LPIN2: variants seen among roughly 807,000 people sequenced by gnomAD.
LPIN2 encodes the protein lipin 2, also known as phosphatidate phosphatase LPIN2.
LPIN2 carries 55 observed loss-of-function variants against 111.4 expected under a neutral mutation model. The observed-to-expected ratio is 0.49, with a 90% CI of 0.40 to 0.62. The LOEUF is 0.62. LPIN2 is among the 20% of genes least tolerant of loss of function. The probability of loss-of-function intolerance (pLI) is 0.00; values close to 1 mark genes in which losing one functional copy is unlikely to be tolerated. For missense variants in LPIN2, 992 were observed against 1,112.1 expected (o/e 0.89, Z 1.54); for synonymous variants, 425 against 414.0 (o/e 1.03, Z -0.32).
At chr18:2,924,652 GATGGTTTCCGGGGTCTTA>G (rs1356713364) in intron 14 of LPIN2, 106 bp from the exon 15 acceptor site, 12 of 1,223,250 alleles carry the variant, frequency 9.8e-6, no homozygotes, top group Middle Eastern at 4.9e-4. Flanking sequence ...CAAGAGGCAG[GATGGTTTCCGGGGTCTTA>G]GACACAGCCC....
Position 2,945,768 on chromosome 18 carries a change from G to A in LPIN2, c.591-5056C>T. 4.1e-6 allele frequency: 5 copies of A among 1,226,344 alleles called. 1 individual carries two copies. In the South Asian group the frequency reaches 4.8e-5, roughly 12 times the overall value. 76.0% of individuals were successfully genotyped at this position (1,226,344 alleles called of 1,614,324 possible). Reference sequence around the variant, plus strand: ...ATGCGCATCTAACAATGTGCTATTTGCTTCTACTCGACTAAGTTCTGGAAG... The same window carrying A: ...ATGCGCATCTAACAATGTGCTATTTACTTCTACTCGACTAAGTTCTGGAAG... On this transcript the variant is annotated intron_variant, in intron 4 of 19. Coordinates refer to ENST00000677752, the MANE Select transcript of LPIN2 (RefSeq NM_001375808.2).
intron 1 of LPIN2, among the ~76,000 whole-genome samples, chr18:2,996,112 G>A (rs682989): frequency 0.91 from 139,102 of 152,138 alleles, 64,412 homozygotes; most frequent in East Asian, 1. Flanking sequence ...AGGCCGAGGC[G>A]GGCGGATCAT....
At chr18:2,987,864 C>T (rs2078208901) in intron 1 of LPIN2, among the ~76,000 whole-genome samples, 1 of 151,840 alleles carries the variant, frequency 6.6e-6, no homozygotes, top group African/African-American at 2.4e-5. Flanking sequence ...CACAGTGAAA[C>T]CTCATCTCTA....
chr18:2,919,784 G>A lies in LPIN2; in HGVS notation c.*509C>T. 4.8e-6 allele frequency: 1 copy of A among 208,046 alleles called. No homozygotes were observed. The highest frequency in any genetic ancestry group is 8.2e-5 in the South Asian group (1 of 12,252). 12.9% of individuals were successfully genotyped at this position (208,046 alleles called of 1,614,324 possible). A position where few individuals can be genotyped will look rare whatever the true frequency, so the allele number is the denominator to read the frequency against. ...CACTGGAGCAGCTGACCCCTTCAGT[G>A]TAGCAGGAAATGAGGCGACCAGAGA... On this transcript the variant is annotated 3_prime_UTR_variant, in exon 20 of 20. Transcript: ENST00000677752.
chr18:2,995,559 A>G (rs1348426608), intron 1 of LPIN2, among the ~76,000 whole-genome samples: 1 of 152,230 alleles, frequency 6.6e-6, no homozygotes, highest in Non-Finnish European at 1.5e-5. Flanking sequence ...ACATGACATG[A>G]GGGCTCCCCT....
At chr18:2,926,215 T>TAA (rs1287331687) in intron 13 of LPIN2, among the ~76,000 whole-genome samples, 1 of 152,136 alleles carries the variant, frequency 6.6e-6, no homozygotes, top group Non-Finnish European at 1.5e-5. Flanking sequence ...CCCTCAGCCT[T>TAA]AGACACTAAA....
intron 11 of LPIN2, among the ~76,000 whole-genome samples, chr18:2,928,220 G>A (rs1004925959): frequency 1.3e-5 from 2 of 152,198 alleles, no homozygotes; most frequent in Non-Finnish European, 2.9e-5. Flanking sequence ...CCACACTGAT[G>A]TCAAGCTTCT....
At chr18:2,973,184 G>T (rs2077950513) in intron 1 of LPIN2, among the ~76,000 whole-genome samples, 1 of 151,816 alleles carries the variant, frequency 6.6e-6, no homozygotes, top group Admixed American at 6.6e-5. Flanking sequence ...ATTCAAAATA[G>T]ATTTTTCTTA....
chr18:3,008,062 A>C (rs994075961), intron 1 of LPIN2, among the ~76,000 whole-genome samples: 5 of 152,208 alleles, frequency 3.3e-5, no homozygotes, highest in African/African-American at 1.2e-4. Context: ...TTCTAGGCAA[A>C]CTGCAATCCC....
At position 2,919,949 on chromosome 18, in the gene LPIN2, G is replaced by C; in HGVS notation, c.*344C>G. ...AAACTGGAACACTTCACTGTGTGCAGTGTTTTGGTCCACTCTTTTTTAGCT... is the reference window on the plus strand; with the variant it reads ...AAACTGGAACACTTCACTGTGTGCACTGTTTTGGTCCACTCTTTTTTAGCT... On this transcript the variant is annotated 3_prime_UTR_variant, in exon 20 of 20. Transcript: ENST00000677752. 2.6e-6 allele frequency: 1 copy of C among 382,816 alleles called. No individual in the cohort carries two copies. The highest frequency in any genetic ancestry group is 2.2e-5 in the South Asian group (1 of 45,098). 23.7% of individuals were successfully genotyped at this position (382,816 alleles called of 1,614,324 possible). A position where few individuals can be genotyped will look rare whatever the true frequency, so the allele number is the denominator to read the frequency against.
At chr18:2,986,759 C>G (rs1434442209) in intron 1 of LPIN2, among the ~76,000 whole-genome samples, 1 of 152,130 alleles carries the variant, frequency 6.6e-6, no homozygotes, top group Non-Finnish European at 1.5e-5. Context: ...ACAAGAGAGA[C>G]AATACTGAGA....
chr18:2,949,328 G>T (rs974094190), intron 4 of LPIN2, among the ~76,000 whole-genome samples: 2 of 152,126 alleles, frequency 1.3e-5, no homozygotes, highest in African/African-American at 4.8e-5. Flanking sequence ...CATTTATGAT[G>T]AAACTCTTCT....
Position 2,981,586 on chromosome 18 carries a change from T to A in LPIN2, c.-9-20737A>T, listed in dbSNP as rs536221298. ...AAAAAGTCAGCAAGGTTCTCTATTC[T>A]CCCTTCTGACCTTTACAACAAATGT... On this transcript the variant is annotated intron_variant, in intron 1 of 19. Coordinates refer to ENST00000677752, the MANE Select transcript of LPIN2 (RefSeq NM_001375808.2). Among the ~76,000 whole-genome samples the A allele has an allele frequency of 2.0e-5, 3 of 152,326 alleles. No homozygotes were observed. In the South Asian group the frequency reaches 6.2e-4, roughly 32 times the overall value.
At chr18:2,961,095 C>CT (rs981173328) in intron 1 of LPIN2, among the ~76,000 whole-genome samples, 2 of 152,110 alleles carry the variant, frequency 1.3e-5, no homozygotes, top group African/African-American at 2.4e-5. Context: ...GAGGCATTCC[C>CT]TTTCCTTTCT....
rs764392766 is a variant in LPIN2, at chr18:2,928,574, A to G, written c.1620+17T>C. On this transcript the variant is annotated intron_variant, in intron 11 of 19. Transcript: ENST00000677752. ...GCGGATGCTTTCGGAAAGGCAGCAG[A>G]TGGTGGATCGCCTCACCTTAGGCAA... is the stretch of plus-strand genomic sequence containing the variant. 1.2e-6 allele frequency: 2 copies of G among 1,613,902 alleles called. No homozygotes were observed. Among genetic ancestry groups the G allele is most frequent in the East Asian group, 2.2e-5 (1 of 44,886 alleles).
intron 3 of LPIN2, among the ~76,000 whole-genome samples, chr18:2,952,382 C>A (rs1484109775): frequency 6.6e-6 from 1 of 152,154 alleles, no homozygotes; most frequent in Non-Finnish European, 1.5e-5. Flanking sequence ...CGAGATCATG[C>A]CACTGCACTC....
chr18:2,965,719 G>A (rs188415712), intron 1 of LPIN2, among the ~76,000 whole-genome samples: 275 of 95,392 alleles, frequency 2.9e-3, no homozygotes, highest in Admixed American at 0.013. Context: ...GACAGAGTGA[G>A]ACTCCCAATC....
intron 17 of LPIN2, 31 bp downstream of exon 17, chr18:2,922,016 G>C: frequency 6.2e-7 from 1 of 1,603,104 alleles, no homozygotes; most frequent in Non-Finnish European, 8.5e-7. Flanking sequence ...TGCTGGGGCG[G>C]TGGGCAGAGG....
At chr18:2,955,404 TGCCAC>T (rs2077594922) in intron 2 of LPIN2, among the ~76,000 whole-genome samples, 2 of 151,096 alleles carry the variant, frequency 1.3e-5, no homozygotes, top group Non-Finnish European at 3.0e-5. Context: ...CACACAAAGG[TGCCAC>T]ACACTTTTAA....
Sources: gnomAD v4.1 joint callset for allele counts (sites outside exome capture counted in the v4.1 genomes callset) on GRCh38, gnomAD v4.1.1 for gene constraint, MANE v1.5 for transcripts, NCBI Gene and HGNC (gene_info 2026-07-23, HGNC 2026-07-21) for gene names.